MYO1D: variants seen among roughly 807,000 people sequenced by gnomAD.
The protein encoded by MYO1D is unconventional myosin-Id.
In MYO1D, 83 loss-of-function variants were observed where a neutral mutation model predicts 122.0. That is an observed-to-expected ratio of 0.68 (90% CI 0.57 to 0.82). MYO1D has a LOEUF of 0.82. Among genes scored for constraint, MYO1D ranks in the 40% least tolerant of loss-of-function variants. MYO1D has a pLI of 0.00. For missense variants in MYO1D, 1,157 were observed against 1,269.5 expected (o/e 0.91, Z 1.35); for synonymous variants, 464 against 446.9 (o/e 1.04, Z -0.48).
At chr17:32,594,939 T>C (rs2087477126) in intron 21 of MYO1D, among the ~76,000 whole-genome samples, 1 of 152,176 alleles carries the variant, frequency 6.6e-6, no homozygotes, top group African/African-American at 2.4e-5. Flanking sequence ...TTTCTAGTTC[T>C]GTAGTTGTTA....
At chr17:32,683,896 G>A (rs1219410690) in intron 16 of MYO1D, among the ~76,000 whole-genome samples, 2 of 151,938 alleles carry the variant, frequency 1.3e-5, no homozygotes, top group Non-Finnish European at 2.9e-5. Context: ...AGCAATCAGC[G>A]AGACTCCGTG....
chr17:32,659,823 C>T (rs2088534906), intron 16 of MYO1D, among the ~76,000 whole-genome samples: 2 of 152,152 alleles, frequency 1.3e-5, no homozygotes, highest in South Asian at 2.1e-4. Context: ...CACCTCCTCT[C>T]CCGCGGCACT....
intron 1 of MYO1D, among the ~76,000 whole-genome samples, chr17:32,789,587 C>T (rs2090330418): frequency 6.6e-6 from 1 of 152,172 alleles, no homozygotes; most frequent in Admixed American, 6.5e-5. Flanking sequence ...ATCCTAACCC[C>T]TAGTATCTGT....
At chr17:32,676,863 T>C (rs2088817222) in intron 16 of MYO1D, among the ~76,000 whole-genome samples, 1 of 151,722 alleles carries the variant, frequency 6.6e-6, no homozygotes, top group African/African-American at 2.4e-5. Context: ...CAGACTGGAG[T>C]GCAGTGGCGC....
chr17:32,639,583 T>C (rs1467387859), intron 19 of MYO1D, among the ~76,000 whole-genome samples: 3 of 152,012 alleles, frequency 2.0e-5, no homozygotes, highest in Admixed American at 6.6e-5. Context: ...TCACCCAAGA[T>C]AGTGTGTAGT....
chr17:32,555,523 T>C (rs894329981), intron 21 of MYO1D, among the ~76,000 whole-genome samples: 1 of 152,166 alleles, frequency 6.6e-6, no homozygotes, highest in Admixed American at 6.5e-5. Flanking sequence ...AAAAAATATT[T>C]TTAAGTGGAA....
chr17:32,872,239 T>C (rs952681670), intron 1 of MYO1D, among the ~76,000 whole-genome samples: 7 of 152,172 alleles, frequency 4.6e-5, no homozygotes, highest in African/African-American at 1.7e-4. Context: ...CCTTCTCAGA[T>C]ATTCCAGGGT....
At chr17:32,776,167 A>C (rs2090170291) in intron 3 of MYO1D, 138 bp from the exon 4 acceptor site, 1 of 739,950 alleles carries the variant, frequency 1.4e-6, no homozygotes, top group Non-Finnish European at 2.1e-6. Flanking sequence ...TCAAAAAAAA[A>C]ACAAACAAAT....
chr17:32,524,720 G>A (rs1174157554), intron 21 of MYO1D, among the ~76,000 whole-genome samples: 1 of 152,072 alleles, frequency 6.6e-6, no homozygotes, highest in Non-Finnish European at 1.5e-5. Flanking sequence ...CCACCACCAT[G>A]CCTGGCTGAT....
intron 1 of MYO1D, among the ~76,000 whole-genome samples, chr17:32,840,819 C>A (rs1257969313): frequency 6.6e-6 from 1 of 152,116 alleles, no homozygotes; most frequent in African/African-American, 2.4e-5. Flanking sequence ...CAACAGTGAC[C>A]AAAAGGCAGG....
chr17:32,784,816 A>G (rs2090276505), intron 1 of MYO1D, among the ~76,000 whole-genome samples: 1 of 152,126 alleles, frequency 6.6e-6, no homozygotes, highest in Non-Finnish European at 1.5e-5. Flanking sequence ...CAGAAAAGGA[A>G]GATACTGTGG....
chr17:32,542,977 G>C (rs926637830), intron 21 of MYO1D, among the ~76,000 whole-genome samples: 1 of 151,920 alleles, frequency 6.6e-6, no homozygotes, highest in Non-Finnish European at 1.5e-5. Flanking sequence ...CTGTAATCCC[G>C]GCACTTTGGA....
chr17:32,789,126 T>C (rs986768947), intron 1 of MYO1D, among the ~76,000 whole-genome samples: 1 of 152,216 alleles, frequency 6.6e-6, no homozygotes, highest in Admixed American at 6.5e-5. Context: ...ATCCTGAGAC[T>C]TTACTGAATT....
At chr17:32,586,882 C>G (rs1384090866) in intron 21 of MYO1D, among the ~76,000 whole-genome samples, 1 of 152,166 alleles carries the variant, frequency 6.6e-6, no homozygotes, top group Non-Finnish European at 1.5e-5. Context: ...TGTGAGTCAT[C>G]TGGCCTGGAG....
At chr17:32,613,959 ATTGTTT>A (rs943730111) in intron 20 of MYO1D, among the ~76,000 whole-genome samples, 1 of 151,056 alleles carries the variant, frequency 6.6e-6, no homozygotes, top group Non-Finnish European at 1.5e-5. Context: ...TTGCATTTGT[ATTGTTT>A]TTATTTTACA....
chr17:32,760,102 G>A (rs554511027), intron 10 of MYO1D, 188 bp downstream of exon 10: 9 of 719,230 alleles, frequency 1.3e-5, no homozygotes, highest in Non-Finnish European at 2.3e-5. Flanking sequence ...CAACAAGGCA[G>A]TCTATCAAAT....
chr17:32,624,800 T>C (rs1171060927), intron 20 of MYO1D, among the ~76,000 whole-genome samples: 1 of 150,430 alleles, frequency 6.6e-6, no homozygotes, highest in East Asian at 1.9e-4. Context: ...TTTTTTTTTT[T>C]CTTCTTTGAG....
At chr17:32,683,083 T>G (rs148269422) in intron 16 of MYO1D, among the ~76,000 whole-genome samples, 69,051 of 114,716 alleles carry the variant, frequency 0.6, 21,582 homozygotes, top group Middle Eastern at 0.72. Context: ...TTCTCGAGCC[T>G]TGGTTTTCAG....
At chr17:32,757,113 T>C (rs572585645) in intron 10 of MYO1D, among the ~76,000 whole-genome samples, 1 of 152,344 alleles carries the variant, frequency 6.6e-6, no homozygotes, top group Non-Finnish European at 1.5e-5. Context: ...GACTCATGTA[T>C]TCCCATTTCA....
Sources: allele counts gnomAD v4.1 joint callset (sites outside exome capture counted in the v4.1 genomes callset), GRCh38; gene constraint gnomAD v4.1.1; transcripts MANE v1.5; gene names NCBI Gene and HGNC (gene_info 2026-07-23, HGNC 2026-07-21).